Variants in DNAH5 observed in about 807,000 individuals in gnomAD.
The protein encoded by DNAH5 is dynein axonemal heavy chain 5, also known as axonemal beta dynein heavy chain 5.
A neutral mutation model predicts 518.2 loss-of-function variants in DNAH5; 372 were observed. The observed-to-expected ratio is 0.72, with a 90% CI of 0.66 to 0.78. The LOEUF (loss-of-function observed/expected upper bound fraction) is 0.78, where lower values mean the gene tolerates loss of function less well. Among genes scored for constraint, DNAH5 ranks in the 30% least tolerant of loss-of-function variants. The probability of loss-of-function intolerance (pLI) is 0.00; values close to 1 mark genes in which losing one functional copy is unlikely to be tolerated. For synonymous variants in DNAH5, 2,039 were observed against 2,025.9 expected (o/e 1.01, Z -0.17); for missense variants, 5,523 against 5,687.0 (o/e 0.97, Z 0.93).
At chr5:13,713,476 G>GAT (rs1159103467) in intron 75 of DNAH5, among the ~76,000 whole-genome samples, 933 of 66,206 alleles carry the variant, frequency 0.014, 6 homozygotes, top group Non-Finnish European at 0.022. Flanking sequence ...TACACACACC[G>GAT]ATATATATAT....
intron 29 of DNAH5, among the ~76,000 whole-genome samples, chr5:13,861,952 C>CAAAAAA (rs59674964): frequency 6.5e-4 from 32 of 49,494 alleles, no homozygotes; most frequent in African/African-American, 1.1e-3. Flanking sequence ...GATTCCATCT[C>CAAAAAA]AAAAAAAAAA....
Position 13,700,812 on chromosome 5 carries a change from G to A in DNAH5, c.13551C>T (p.Val4517=). 4 of 1,614,146 alleles carry A rather than the reference G, an allele frequency of 2.5e-6. No homozygotes were observed. Among genetic ancestry groups the A allele is most frequent in the South Asian group, 1.1e-5 (1 of 91,074 alleles). ...ALDNMVLCNE[V]TKWMKDDISA... ...AAATGTCGTCCTTCATCCATTTGGTGACTTCATTGCAAAGCACCATATTGT... is the reference window on the plus strand; with the variant it reads ...AAATGTCGTCCTTCATCCATTTGGTAACTTCATTGCAAAGCACCATATTGT... Residue 4517 remains valine, a synonymous_variant, in exon 78 of 79, where the codon GTC becomes GTT. Coordinates refer to ENST00000265104, the MANE Select transcript of DNAH5 (RefSeq NM_001369.3).
At position 13,753,358 on chromosome 5, in the gene DNAH5, T is replaced by C; in HGVS notation, c.10747A>G (p.Asn3583Asp). The C allele has an allele frequency of 6.2e-7, 1 of 1,614,024 alleles. No individual in the cohort carries two copies. The highest frequency in any genetic ancestry group is 8.5e-7 in the Non-Finnish European group (1 of 1,179,912). Reference sequence around the variant, plus strand: ...CCATTTTGAATGGACAAGTCATCATTTGGCAGACCTTGGAGGTTCCATTCA... The same window carrying C: ...CCATTTTGAATGGACAAGTCATCATCTGGCAGACCTTGGAGGTTCCATTCA... ...ISEWNLQGLP[N>D]DDLSIQNGII... is the part of the protein sequence containing the mutation. The change falls in exon 63 of 79, where the codon AAT (asparagine) becomes GAT (aspartate). Residue 3583 changes from asparagine (N) to aspartate (D), a missense_variant. Physicochemically the swap from Asn to Asp is conservative, Grantham distance 23 (BLOSUM62 1). This residue lies in a region of DNAH5 where 5,121 missense variants were observed against 5,223.3 expected (regional missense o/e 0.98). Coordinates refer to ENST00000265104, the MANE Select transcript of DNAH5 (RefSeq NM_001369.3).
intron 69 of DNAH5, 143 bp downstream of exon 69, chr5:13,729,296 T>C: frequency 8.9e-7 from 1 of 1,119,702 alleles, no homozygotes; most frequent in Non-Finnish European, 1.3e-6. Flanking sequence ...TAAGTGTGCT[T>C]TCAAGAAGGT....
At chr5:13,937,665 AAAG>A (rs1339868617) in intron 1 of DNAH5, among the ~76,000 whole-genome samples, 18 of 121,692 alleles carry the variant, frequency 1.5e-4, no homozygotes, top group Non-Finnish European at 2.7e-4. Context: ...TTCTGCAGCC[AAAG>A]AATATTTGGT....
At position 13,901,378 on chromosome 5, in the gene DNAH5, C is replaced by G; in HGVS notation, c.1926G>C (p.Gln642His). 1 of 1,614,166 alleles carries G rather than the reference C, an allele frequency of 6.2e-7. No homozygotes were observed. Among genetic ancestry groups the G allele is most frequent in the South Asian group, 1.1e-5 (1 of 91,078 alleles). ...QLFHRIQQPM[Q>H]LFQQHPAVLS... The stretch of plus-strand genomic sequence containing the variant: ...GCACAGCTGGGTGCTGCTGGAAAAG[C>G]TGCATGGGCTGCTGAATCCTATGGA... The change falls in exon 14 of 79, where the codon CAG (glutamine) becomes CAC (histidine). Residue 642 changes from glutamine (Q) to histidine (H), a missense_variant. Around this residue, in one of 3 missense-constraint regions of DNAH5, gnomAD observed 5,121 missense variants for 5,223.3 expected, o/e 0.98. Coordinates refer to ENST00000265104, the MANE Select transcript of DNAH5 (RefSeq NM_001369.3).
At chr5:13,893,105 C>T (rs754022574) in intron 16 of DNAH5, among the ~76,000 whole-genome samples, 1 of 152,106 alleles carries the variant, frequency 6.6e-6, no homozygotes, top group Non-Finnish European at 1.5e-5. Context: ...AATAGCTGGA[C>T]CTTCTGAACC....
intron 14 of DNAH5, 41 bp downstream of exon 14, chr5:13,901,211 A>C: frequency 6.3e-7 from 1 of 1,599,338 alleles, no homozygotes; most frequent in Non-Finnish European, 8.5e-7. Flanking sequence ...AGGGGTTCCC[A>C]TGATTCCAAC....
intron 32 of DNAH5, 98 bp from the exon 33 acceptor site, chr5:13,842,002 C>CAGA (rs1317963602): frequency 3.4e-5 from 26 of 759,652 alleles, no homozygotes; most frequent in Non-Finnish European, 5.6e-5. Context: ...AGTAAAGCTA[C>CAGA]AGATTATAAA....
chr5:13,994,159 C>T (rs1469925308), intron 1 of DNAH5, among the ~76,000 whole-genome samples: 1 of 152,184 alleles, frequency 6.6e-6, no homozygotes, highest in South Asian at 2.1e-4. Flanking sequence ...CACCTCTCTG[C>T]CTCTCAGCCA....
At chr5:13,777,558 C>T (rs1026095673) in intron 53 of DNAH5, among the ~76,000 whole-genome samples, 1 of 152,100 alleles carries the variant, frequency 6.6e-6, no homozygotes, top group Non-Finnish European at 1.5e-5. Context: ...AATGTTTCTA[C>T]ATAAAAAACT....
At chr5:13,913,643 C>CAAGTAAAATATTTGTAA in intron 11 of DNAH5, 100 bp downstream of exon 11, 1 of 1,386,532 alleles carries the variant, frequency 7.2e-7, no homozygotes. Flanking sequence ...TTTTACTTTA[C>CAAGTAAAATATTTGTAA]AGACTGATGA....
chr5:13,900,638 A>G (rs1774476970), intron 14 of DNAH5: 1 of 574,354 alleles, frequency 1.7e-6, no homozygotes, highest in African/African-American at 1.9e-5. Context: ...AAACCTTTCA[A>G]TGACTCTAAC....
chr5:13,701,228 A>G (rs2126408430), intron 77 of DNAH5, 56 bp downstream of exon 77: 1 of 1,610,596 alleles, frequency 6.2e-7, no homozygotes, highest in Non-Finnish European at 8.5e-7. Flanking sequence ...ATAATGATGG[A>G]AAATCCTGTG....
Position 13,885,975 on chromosome 5 carries a change from T to C in DNAH5, c.2732A>G (p.Asn911Ser), listed in dbSNP as rs142386498. 15 of 1,612,992 alleles carry C rather than the reference T, an allele frequency of 9.3e-6. No homozygotes were observed. The African/African-American group carries it at 2.0e-4, about 21-fold the overall frequency. ...ACCCCATCTCTTACCTGAACTTTCA[T>C]TTTTGTAATTAACACTATTCTCATT... is the stretch of plus-strand genomic sequence containing the variant. ...ISNENSVNYK[N>S]ESSAKREEGN... is the part of the protein sequence containing the mutation. The change falls in exon 18 of 79, where the codon AAT (asparagine) becomes AGT (serine). Residue 911 changes from asparagine to serine, a missense_variant. Asn to Ser is a conservative substitution (Grantham distance 46). This residue lies in a region of DNAH5 where 5,121 missense variants were observed against 5,223.3 expected (regional missense o/e 0.98). Coordinates refer to ENST00000265104, the MANE Select transcript of DNAH5 (RefSeq NM_001369.3).
Position 13,931,117 on chromosome 5 carries a change from C to A in DNAH5, c.185G>T (p.Gly62Val), listed in dbSNP as rs1778369249. 2 of 1,613,980 alleles carry A rather than the reference C, an allele frequency of 1.2e-6. No homozygotes were observed. Among genetic ancestry groups the A allele is most frequent in the South Asian group, 2.2e-5 (2 of 91,084 alleles). The change falls in exon 2 of 79, where the codon GGG becomes GTG. Residue 62 changes from glycine to valine, a missense_variant. By Grantham distance (109) the Gly-to-Val change is moderately radical (BLOSUM62 -3). Around this residue, in one of 3 missense-constraint regions of DNAH5, gnomAD observed 5,121 missense variants for 5,223.3 expected, o/e 0.98. Coordinates refer to ENST00000265104, the MANE Select transcript of DNAH5 (RefSeq NM_001369.3). The part of the protein sequence containing the change: ...KTEVEDAILE[G>V]NQIERIDQLF... The stretch of plus-strand genomic sequence containing the variant: ...AAGTGAAACGCATCCCACCTGATTC[C>A]CTTCAAGAATGGCATCCTCCACTTC...
chr5:13,894,659 C>T lies in DNAH5; in HGVS notation c.2422G>A (p.Ala808Thr), dbSNP rs762905281. The T allele has an allele frequency of 3.1e-6, 5 of 1,613,918 alleles. No individual in the cohort carries two copies. The highest frequency in any genetic ancestry group is 4.2e-6 in the Non-Finnish European group (5 of 1,179,866). Residue 808 changes from alanine (A) to threonine (T), a missense_variant, in exon 16 of 79, where the codon GCA (alanine) becomes ACA (threonine). By Grantham distance (58) the Ala-to-Thr change is moderately conservative (BLOSUM62 0). Around this residue, in one of 3 missense-constraint regions of DNAH5, gnomAD observed 5,121 missense variants for 5,223.3 expected, o/e 0.98. Coordinates refer to ENST00000265104, the MANE Select transcript of DNAH5 (RefSeq NM_001369.3). ...ATTCAGGCAGACTTACTGATCTTTG[C>T]AAAAGTGTTTTCTAAATAAGCCTCA... ...NIEAYLENTF[A>T]KIKDLELLLD...
chr5:13,966,558 T>G (rs1367145880), intron 1 of DNAH5, among the ~76,000 whole-genome samples: 1 of 152,198 alleles, frequency 6.6e-6, no homozygotes, highest in East Asian at 1.9e-4. Context: ...GCCATTCTTG[T>G]GGAAGTAAAG....
chr5:14,011,789 G>A (rs999752878), exon 1 of DNAH5, among the ~76,000 whole-genome samples: 2 of 152,210 alleles, frequency 1.3e-5, no homozygotes, highest in Non-Finnish European at 2.9e-5. Flanking sequence ...CTAGCCGGCT[G>A]TTTGCTGCTC....
Sources: gnomAD v4.1 joint callset for allele counts (sites outside exome capture counted in the v4.1 genomes callset) on GRCh38, gnomAD v4.1.1 for gene constraint, gnomAD v4.1.1 regional missense constraint, MANE v1.5 for transcripts, NCBI Gene and HGNC (gene_info 2026-07-23, HGNC 2026-07-21) for gene names.